RPN1: variants seen among roughly 807,000 people sequenced by gnomAD.
The protein encoded by RPN1 is ribophorin I, also known as dolichyl-diphosphooligosaccharide--protein glycosyltransferase subunit 1.
RPN1 carries 12 observed loss-of-function variants against 55.5 expected under a neutral mutation model. The ratio of observed to expected loss-of-function variants is 0.22; its 90% CI spans 0.14 to 0.35. RPN1 has a LOEUF of 0.35. Among genes scored for constraint, RPN1 ranks in the 10% least tolerant of loss-of-function variants. The probability of loss-of-function intolerance (pLI) is 1.00; values close to 1 mark genes in which losing one functional copy is unlikely to be tolerated. For synonymous variants in RPN1, 317 were observed against 305.9 expected, an observed-to-expected ratio of 1.04 and a Z score of -0.38; for missense variants, 679 against 761.3, an observed-to-expected ratio of 0.89 and a Z score of 1.27.
intron 1 of RPN1, 97 bp downstream of exon 1, chr3:128,650,443 C>T: frequency 2.4e-6 from 3 of 1,266,830 alleles, no homozygotes; most frequent in Non-Finnish European, 3.2e-6. Flanking sequence ...CTCCGCATTT[C>T]CTGAGGCCTA....
chr3:128,632,173 C>T lies in RPN1; in HGVS notation c.634-16G>A. The T allele has an allele frequency of 1.2e-6, 2 of 1,613,122 alleles. No homozygotes were observed. Among genetic ancestry groups the T allele is most frequent in the Non-Finnish European group, 1.7e-6 (2 of 1,179,180 alleles). On this transcript the variant is annotated splice_polypyrimidine_tract_variant and intron_variant, in intron 3 of 9. Coordinates refer to ENST00000296255, the MANE Select transcript of RPN1 (RefSeq NM_002950.4). ...TAAAAGTATCCTGGAAGGAAGGAAA[C>T]AAATAGTTCAAAGTTTTGGCAACAG... is the stretch of plus-strand genomic sequence containing the variant.
chr3:128,633,788 G>T (rs1349053684), intron 3 of RPN1, among the ~76,000 whole-genome samples: 1 of 152,022 alleles, frequency 6.6e-6, no homozygotes, highest in South Asian at 2.1e-4. Context: ...TTTGAGACCA[G>T]CCTGGCCAAT....
At chr3:128,623,523 G>A (rs1242602136) in intron 8 of RPN1, among the ~76,000 whole-genome samples, 1 of 150,610 alleles carries the variant, frequency 6.6e-6, no homozygotes, top group Non-Finnish European at 1.5e-5. Context: ...GGGTAACAGA[G>A]TGAGACTCTG....
intron 3 of RPN1, among the ~76,000 whole-genome samples, chr3:128,632,649 C>T (rs529514664): frequency 6.6e-6 from 1 of 151,858 alleles, no homozygotes; most frequent in Admixed American, 6.5e-5. Context: ...GGCTGGAGTA[C>T]AATGGTACAA....
intron 3 of RPN1, among the ~76,000 whole-genome samples, chr3:128,634,047 C>A (rs1042731679): frequency 1.3e-5 from 2 of 151,206 alleles, no homozygotes; most frequent in Non-Finnish European, 2.9e-5. Flanking sequence ...ACAGGCCAGC[C>A]GGGCACAGTG....
At chr3:128,622,064 C>T in intron 9 of RPN1, 100 bp downstream of exon 9, 1 of 1,155,632 alleles carries the variant, frequency 8.7e-7, no homozygotes, top group Non-Finnish European at 1.3e-6. Context: ...ATCCCACAAG[C>T]ATGCAGGTAA....
rs368942202 is a variant in RPN1 at position 128,650,404 on chromosome 3, A to G, written c.261+136T>C. The G allele has an allele frequency of 1.9e-5, 16 of 857,656 alleles. No individual in the cohort carries two copies. The East Asian group carries it at 4.6e-4, about 25-fold the overall frequency. 53.1% of individuals were successfully genotyped at this position (857,656 alleles called of 1,614,324 possible). A position where few individuals can be genotyped will look rare whatever the true frequency, so the allele number is the denominator to read the frequency against. ...CGCGGGCCCCGAGGCAATCCCACGG[A>G]CCCCCTGTGCCCCGCCCGCCGCCCG... On this transcript the variant is annotated intron_variant, in intron 1 of 9. Coordinates refer to ENST00000296255, the MANE Select transcript of RPN1 (RefSeq NM_002950.4).
intron 2 of RPN1, among the ~76,000 whole-genome samples, chr3:128,640,764 T>TCC (rs1352912924): frequency 6.6e-6 from 1 of 152,088 alleles, no homozygotes; most frequent in African/African-American, 2.4e-5. Context: ...CTCAGACCCA[T>TCC]CCCTTCCTTT....
chr3:128,625,751 G>C, intron 7 of RPN1, 98 bp from the exon 8 acceptor site: 1 of 1,579,294 alleles, frequency 6.3e-7, no homozygotes, highest in Non-Finnish European at 8.7e-7. Flanking sequence ...CCCACCCCAA[G>C]ACCAGAAGAC....
At chr3:128,635,608 T>G (rs1374743352) in intron 3 of RPN1, among the ~76,000 whole-genome samples, 2 of 122,766 alleles carry the variant, frequency 1.6e-5, no homozygotes, top group African/African-American at 3.2e-5. Context: ...CCCCTATAAC[T>G]TGAGATATAT....
intron 3 of RPN1, among the ~76,000 whole-genome samples, chr3:128,635,612 G>GATAGAT (rs2069671491): frequency 8.0e-6 from 1 of 125,724 alleles, no homozygotes; most frequent in Non-Finnish European, 1.6e-5. Flanking sequence ...TATAACTTGA[G>GATAGAT]ATATATATAT....
intron 3 of RPN1, 119 bp downstream of exon 3, chr3:128,637,680 C>A (rs184030136): frequency 7.3e-5 from 75 of 1,032,270 alleles, no homozygotes; most frequent in Non-Finnish European, 9.8e-5. Flanking sequence ...TTTGGGATGA[C>A]CTTAGAAATG....
intron 2 of RPN1, among the ~76,000 whole-genome samples, chr3:128,640,224 G>A (rs2069715199): frequency 6.6e-6 from 1 of 152,054 alleles, no homozygotes; most frequent in Non-Finnish European, 1.5e-5. Flanking sequence ...AATTCACAGG[G>A]TACTAATTCT....
rs775041915 is a variant in RPN1, at chr3:128,638,125, A to G, written c.327-20T>C. On this transcript the variant is annotated intron_variant, in intron 2 of 9. Coordinates refer to ENST00000296255, the MANE Select transcript of RPN1 (RefSeq NM_002950.4). ...CTCCCACTAAAGGAAGAACAAGGCA[A>G]GAGAAGTAAGAGAGACTGAGGATAC... The G allele has an allele frequency of 1.3e-6, 2 of 1,582,092 alleles. No individual in the cohort carries two copies. Among genetic ancestry groups the G allele is most frequent in the East Asian group, 4.5e-5 (2 of 44,636 alleles).
intron 3 of RPN1, among the ~76,000 whole-genome samples, chr3:128,634,329 GA>G (rs77524482): frequency 0.029 from 3,859 of 133,670 alleles, 117 homozygotes; most frequent in African/African-American, 0.076. Flanking sequence ...CTGTCTTAAG[GA>G]AAAAAAAAAA....
intron 4 of RPN1, 48 bp from the exon 5 acceptor site, chr3:128,630,191 G>A: frequency 6.7e-6 from 9 of 1,344,698 alleles, no homozygotes; most frequent in Non-Finnish European, 9.4e-6. Flanking sequence ...AACCAGCTGA[G>A]AGGAAATGAT....
chr3:128,635,752 TTA>T (rs925278441), intron 3 of RPN1, among the ~76,000 whole-genome samples: 5 of 148,618 alleles, frequency 3.4e-5, no homozygotes, highest in African/African-American at 1.2e-4. Context: ...ACACCTGGCC[TTA>T]TATATATACG....
chr3:128,622,542 A>AC, intron 8 of RPN1, 133 bp from the exon 9 acceptor site: 4 of 1,107,820 alleles, frequency 3.6e-6, no homozygotes, highest in Non-Finnish European at 5.2e-6. Flanking sequence ...TCAAAGTCAA[A>AC]CCCCTACTGA....
rs550928669 is a variant in RPN1, at chr3:128,633,908, G to A, written c.634-1751C>T. ...TGAGGTAGGAGAATCGCTTGAACCC[G>A]GGAGGCGGAGGCTGCAGTGAGCCGA... On this transcript the variant is annotated intron_variant, in intron 3 of 9. Coordinates refer to ENST00000296255, the MANE Select transcript of RPN1 (RefSeq NM_002950.4). Among the ~76,000 whole-genome samples the A allele has an allele frequency of 1.7e-3, 260 of 152,056 alleles. 2 individuals are homozygous for A. Among genetic ancestry groups the A allele is most frequent in the African/African-American group, 5.9e-3 (246 of 41,492 alleles).
Sources: allele counts gnomAD v4.1 joint callset (sites outside exome capture counted in the v4.1 genomes callset), GRCh38; gene constraint gnomAD v4.1.1; transcripts MANE v1.5; gene names NCBI Gene and HGNC (gene_info 2026-07-23, HGNC 2026-07-21).